RFTN1: variants seen among roughly 807,000 people sequenced by gnomAD.
RFTN1 encodes the protein raftlin.
Under a neutral mutation model 46.5 loss-of-function variants are expected in RFTN1, and 26 were observed. The observed-to-expected ratio is 0.56, with a 90% CI of 0.41 to 0.78. RFTN1 has a LOEUF of 0.78. RFTN1 is among the 30% of genes least tolerant of loss of function. RFTN1 has a pLI of 0.00. For synonymous variants in RFTN1, 261 were observed against 284.2 expected (o/e 0.92, Z 0.82); for missense variants, 693 against 718.7 (o/e 0.96, Z 0.41).
chr3:16,502,343 C>T (rs2076724382), intron 1 of RFTN1, among the ~76,000 whole-genome samples: 2 of 148,250 alleles, frequency 1.3e-5, no homozygotes, highest in African/African-American at 2.5e-5. Context: ...TGCCACTGCA[C>T]GCTACTGCCC....
Position 16,473,518 on chromosome 3 carries a change from A to G in RFTN1, c.145+20207T>C, listed in dbSNP as rs1014067783. Among the ~76,000 whole-genome samples, 1 of 151,300 alleles carries G rather than the reference A, an allele frequency of 6.6e-6. No individual in the cohort carries two copies. Among genetic ancestry groups the G allele is most frequent in the Non-Finnish European group, 1.5e-5 (1 of 67,892 alleles). ...TGGGTTCAAGCAATTCTCCTGCCTC[A>G]GCCTCCCAAGGAGCTGGGACTACAG... On this transcript the variant is annotated intron_variant, in intron 2 of 9. Coordinates refer to ENST00000334133, the MANE Select transcript of RFTN1 (RefSeq NM_015150.2). This position sits in a 1 kb window ranked among gnomAD's most constrained non-coding sequence, Gnocchi z 5.3.
At position 16,450,543 on chromosome 3, in the gene RFTN1, C is replaced by T. The variant is rs1177496192; in HGVS notation, c.146-16506G>A. 1.3e-5 allele frequency among the ~76,000 whole-genome samples: 2 copies of T among 152,206 alleles called. No individual in the cohort carries two copies. The highest frequency in any genetic ancestry group is 2.4e-5 in the African/African-American group (1 of 41,456). The stretch of plus-strand genomic sequence containing the variant: ...AACATGTCTCCCATGTCTATGCTCC[C>T]TCAGGTGGCTTCCACAGGCAAATTA... On this transcript the variant is annotated intron_variant, in intron 2 of 9. Coordinates refer to ENST00000334133, the MANE Select transcript of RFTN1 (RefSeq NM_015150.2). This position sits in a 1 kb window ranked among gnomAD's most constrained non-coding sequence, Gnocchi z 4.6.
intron 7 of RFTN1, among the ~76,000 whole-genome samples, chr3:16,357,462 T>C (rs921192912): frequency 6.6e-6 from 1 of 152,222 alleles, no homozygotes; most frequent in African/African-American, 2.4e-5. Context: ...CTCAGTTTCC[T>C]CATCTATATA....
intron 4 of RFTN1, among the ~76,000 whole-genome samples, chr3:16,399,387 C>T (rs924505418): frequency 1.3e-5 from 2 of 152,158 alleles, no homozygotes; most frequent in African/African-American, 2.4e-5. Context: ...TTGGATCATG[C>T]CTCACAAAAA....
Position 16,460,505 on chromosome 3 carries a change from G to C in RFTN1, c.146-26468C>G, listed in dbSNP as rs536597685. Among the ~76,000 whole-genome samples the C allele has an allele frequency of 3.3e-5, 5 of 152,060 alleles. No homozygotes were observed. The highest frequency in any genetic ancestry group is 7.4e-5 in the Non-Finnish European group (5 of 68,018). On this transcript the variant is annotated intron_variant, in intron 2 of 9. Coordinates refer to ENST00000334133, the MANE Select transcript of RFTN1 (RefSeq NM_015150.2). This position sits in a 1 kb window ranked among gnomAD's most constrained non-coding sequence, Gnocchi z 4.8. ...CACCTGGGCAAGCAAAGTGAAGTGG[G>C]AAATAAAATAGTTGGATCAATGACG...
chr3:16,402,682 G>A lies in RFTN1; in HGVS notation c.441+6693C>T, dbSNP rs186060998. 4.6e-3 allele frequency among the ~76,000 whole-genome samples: 703 copies of A among 152,160 alleles called. 1 individual carries two copies. Among genetic ancestry groups the A allele is most frequent in the South Asian group, 0.011 (52 of 4,812 alleles). Reference sequence around the variant, plus strand: ...AAAATTTCATCATCCCGGAGATTTGGGATATTCTGTTTCATTAAAAGAAGC... The same window carrying A: ...AAAATTTCATCATCCCGGAGATTTGAGATATTCTGTTTCATTAAAAGAAGC... On this transcript the variant is annotated intron_variant, in intron 4 of 9. Transcript: ENST00000334133. This position sits in a 1 kb window ranked among gnomAD's most constrained non-coding sequence, Gnocchi z 4.5.
chr3:16,511,180 T>C (rs1314031664), intron 1 of RFTN1, among the ~76,000 whole-genome samples: 3 of 152,186 alleles, frequency 2.0e-5, no homozygotes, highest in African/African-American at 7.2e-5. Flanking sequence ...AGTAATATTC[T>C]CTGTCTTGAT....
rs139398466 is a variant in RFTN1, at chr3:16,346,169, G to A, written c.1146+11763C>T. 6.6e-6 allele frequency: 1 copy of A among 152,090 alleles called. No individual in the cohort carries two copies. Among genetic ancestry groups the A allele is most frequent in the East Asian group, 1.9e-4 (1 of 5,168 alleles). 9.4% of individuals were successfully genotyped at this position (152,090 alleles called of 1,614,324 possible). On this transcript the variant is annotated intron_variant, in intron 7 of 9. Transcript: ENST00000334133. The surrounding 1 kb of genome is among the most constrained non-coding windows in gnomAD (Gnocchi z 4.4). ...ATTGATGAATGTGGAAAGGCCAGGG[G>A]GTGCACATTCATTTTTAATGACTAC...
In RFTN1 at chr3:16,381,254, G is replaced by A. The variant is rs544589541; in HGVS notation, c.442-3152C>T. Among the ~76,000 whole-genome samples the A allele has an allele frequency of 3.9e-5, 6 of 152,314 alleles. No individual in the cohort carries two copies. The highest frequency in any genetic ancestry group is 3.9e-4 in the Admixed American group (6 of 15,298). On this transcript the variant is annotated intron_variant, in intron 4 of 9. Transcript: ENST00000334133. The surrounding 1 kb of genome is among the most constrained non-coding windows in gnomAD (Gnocchi z 4.2). ...CTGTATTTGGGGAGTGGGGCTATAA[G>A]TGATTTTTTTCTATTACTGTGTAAT... is the stretch of plus-strand genomic sequence containing the variant.
chr3:16,488,592 C>G (rs1402327983), intron 2 of RFTN1, among the ~76,000 whole-genome samples: 1 of 152,168 alleles, frequency 6.6e-6, no homozygotes, highest in Non-Finnish European at 1.5e-5. Flanking sequence ...CTTCTTATAC[C>G]ATTCTACATG....
chr3:16,379,695 A>G (rs2073916099), intron 4 of RFTN1, among the ~76,000 whole-genome samples: 2 of 151,898 alleles, frequency 1.3e-5, no homozygotes, highest in South Asian at 4.2e-4. Context: ...TCACTCTTCA[A>G]AAGTTAAAAA....
At position 16,410,774 on chromosome 3, in the gene RFTN1, G is replaced by A. The variant is rs1395653540; in HGVS notation, c.333-1291C>T. On this transcript the variant is annotated intron_variant, in intron 3 of 9. Transcript: ENST00000334133. The surrounding 1 kb of genome is among the most constrained non-coding windows in gnomAD (Gnocchi z 4.6). ...AGCACCACCACATAGACATCCCTGT[G>A]ATACAGCACAGTTCAAAACTGCACC... 6.6e-6 allele frequency among the ~76,000 whole-genome samples: 1 copy of A among 152,164 alleles called. No homozygotes were observed. Among genetic ancestry groups the A allele is most frequent in the East Asian group, 1.9e-4 (1 of 5,198 alleles).
intron 7 of RFTN1, among the ~76,000 whole-genome samples, chr3:16,328,549 T>C (rs758159042): frequency 5.4e-4 from 83 of 152,322 alleles, no homozygotes; most frequent in Non-Finnish European, 4.4e-4. Context: ...GACTAATTTA[T>C]CCCTTGGCAG....
rs1046154486 is a variant in RFTN1, at chr3:16,370,087, C to T, written c.1019G>A (p.Gly340Glu). Residue 340 changes from glycine to glutamate, a missense_variant, in exon 6 of 10, where the codon GGA (glycine) becomes GAA (glutamate). Transcript: ENST00000334133. The surrounding 1 kb of genome is among the most constrained non-coding windows in gnomAD (Gnocchi z 5.5). ...GMLVNAVFYLGIVNDSLHGLT... is the reference protein window; with the variant it reads ...GMLVNAVFYLEIVNDSLHGLT... ...AATTCCAAACATACCATTCACTATT[C>T]CAAGGTAGAAGACTGCGTTCACCAG... The T allele has an allele frequency of 1.9e-6, 3 of 1,614,050 alleles. No individual in the cohort carries two copies. The African/African-American group carries it at 4.0e-5, about 22-fold the overall frequency.
chr3:16,409,632 C>T (rs2074940778), intron 3 of RFTN1, 149 bp from the exon 4 acceptor site: 4 of 546,196 alleles, frequency 7.3e-6, no homozygotes, highest in Non-Finnish European at 1.3e-5. Context: ...ATTGTCCTGC[C>T]TCAGCCTCCC....
At position 16,387,568 on chromosome 3, in the gene RFTN1, A is replaced by AC. The variant is rs2074222079; in HGVS notation, c.442-9467_442-9466insG. Among the ~76,000 whole-genome samples the AC allele has an allele frequency of 1.1e-4, 3 of 26,556 alleles. No individual in the cohort carries two copies. The highest frequency in any genetic ancestry group is 2.2e-4 in the Non-Finnish European group (3 of 13,426). The allele number at this position is 26,556 out of a possible 152,430, so 17.4% of individuals were successfully genotyped here. On this transcript the variant is annotated intron_variant, in intron 4 of 9. Transcript: ENST00000334133. The surrounding 1 kb of genome is among the most constrained non-coding windows in gnomAD (Gnocchi z 5.2). The stretch of plus-strand genomic sequence containing the variant: ...ACCACTTCTCTCTTCTATATCCTCA[A>AC]TTTCTCTCTCTCTCTCTCTCTCTCT...
Position 16,467,095 on chromosome 3 carries a change from G to C in RFTN1, c.145+26630C>G, listed in dbSNP as rs192222153. Among the ~76,000 whole-genome samples, 21 of 152,288 alleles carry C rather than the reference G, an allele frequency of 1.4e-4. No individual in the cohort carries two copies. In the East Asian group the frequency reaches 3.1e-3, roughly 22 times the overall value. On this transcript the variant is annotated intron_variant, in intron 2 of 9. Coordinates refer to ENST00000334133, the MANE Select transcript of RFTN1 (RefSeq NM_015150.2). ...TGTGAGAGATACACAAAACAAAAAG[G>C]GGGGTGAGGGTTTTGGGTAGAAGGA...
Position 16,370,333 on chromosome 3 carries a change from A to G in RFTN1, c.827-54T>C, listed in dbSNP as rs1174982912. On this transcript the variant is annotated intron_variant, in intron 5 of 9. Transcript: ENST00000334133. The surrounding 1 kb of genome is among the most constrained non-coding windows in gnomAD (Gnocchi z 5.5). ...GAGAAGAGGTCAACTGATGATAAAAATCTGTTTCATCGGCTTAAGTGGAAT... is the reference window on the plus strand; with the variant it reads ...GAGAAGAGGTCAACTGATGATAAAAGTCTGTTTCATCGGCTTAAGTGGAAT... The G allele has an allele frequency of 6.5e-7, 1 of 1,546,862 alleles. No individual in the cohort carries two copies. The highest frequency in any genetic ancestry group is 8.9e-7 in the Non-Finnish European group (1 of 1,119,488).
chr3:16,394,217 T>C (rs1460773442), intron 4 of RFTN1, among the ~76,000 whole-genome samples: 1 of 151,456 alleles, frequency 6.6e-6, no homozygotes, highest in African/African-American at 2.4e-5. Context: ...ATAAAAAAAA[T>C]CTTAAAAAAA....
Sources: allele counts gnomAD v4.1 joint callset (sites outside exome capture counted in the v4.1 genomes callset), GRCh38; gene constraint gnomAD v4.1.1; non-coding constraint Gnocchi (gnomAD v3.1); transcripts MANE v1.5; gene names NCBI Gene and HGNC (gene_info 2026-07-23, HGNC 2026-07-21).